The following CSMD1 variants were observed in gnomAD, a reference collection of about 807,000 sequenced individuals.
The protein encoded by CSMD1 is CUB and sushi domain-containing protein 1.
In CSMD1, 213 loss-of-function variants were observed where a neutral mutation model predicts 417.5. That is an observed-to-expected ratio of 0.51 (90% CI 0.46 to 0.57). The LOEUF is 0.57. Ranked by LOEUF, CSMD1 falls within the 20% of genes least tolerant of loss-of-function variation. The pLI is 0.00. For synonymous variants in CSMD1, 2,862 were observed against 1,736.8 expected (o/e 1.65, Z -16.11); for missense variants, 6,923 against 4,529.7 (o/e 1.53, Z -15.17).
intron 7 of CSMD1, among the ~76,000 whole-genome samples, chr8:3,658,581 G>T (rs1046816578): frequency 6.6e-6 from 1 of 151,652 alleles, no homozygotes; most frequent in Admixed American, 6.6e-5. Context: ...TCAGGAGTTT[G>T]AGACCAGCTT....
chr8:4,944,678 C>T (rs1022095493), intron 1 of CSMD1, among the ~76,000 whole-genome samples: 7 of 152,080 alleles, frequency 4.6e-5, no homozygotes, highest in African/African-American at 7.2e-5. Flanking sequence ...TAGAGGAATG[C>T]AAATATCATC....
intron 3 of CSMD1, among the ~76,000 whole-genome samples, chr8:4,232,128 T>C (rs142777052): frequency 5.2e-4 from 79 of 152,318 alleles, no homozygotes; most frequent in African/African-American, 1.9e-3. Context: ...GATTTTCACT[T>C]TACTATTAGT....
intron 5 of CSMD1, among the ~76,000 whole-genome samples, chr8:3,955,734 G>T (rs370244040): frequency 0.024 from 2,440 of 103,084 alleles, 56 homozygotes; most frequent in African/African-American, 0.069. Flanking sequence ...ACTGCCTCAA[G>T]TAAGAAAAAA....
At chr8:3,662,292 G>A (rs1798459608) in intron 7 of CSMD1, among the ~76,000 whole-genome samples, 2 of 152,176 alleles carry the variant, frequency 1.3e-5, no homozygotes, top group Non-Finnish European at 2.9e-5. Context: ...TGTCACTAGT[G>A]AGTAAAATGA....
At chr8:3,132,133 C>T (rs2129027015) in intron 41 of CSMD1, among the ~76,000 whole-genome samples, 1 of 152,312 alleles carries the variant, frequency 6.6e-6, no homozygotes, top group South Asian at 2.1e-4. Context: ...GCTCAGTGTG[C>T]CTGCTCTGCG....
intron 1 of CSMD1, among the ~76,000 whole-genome samples, chr8:4,650,001 C>A (rs1803782479): frequency 6.6e-6 from 1 of 152,136 alleles, no homozygotes; most frequent in Non-Finnish European, 1.5e-5. Flanking sequence ...CTGTCGAGAA[C>A]TTGATTGATA....
intron 37 of CSMD1, among the ~76,000 whole-genome samples, chr8:3,178,465 G>A (rs1017586738): frequency 6.6e-6 from 1 of 151,930 alleles, no homozygotes; most frequent in Non-Finnish European, 1.5e-5. Context: ...CCATCTATAC[G>A]TCACCTTCCT....
At chr8:4,071,115 CTTTT>C in intron 3 of CSMD1, among the ~76,000 whole-genome samples, 1 of 150,908 alleles carries the variant, frequency 6.6e-6, no homozygotes, top group East Asian at 2.0e-4. Flanking sequence ...ACTCTTGAGT[CTTTT>C]TTTTTCTTTT....
chr8:3,490,625 T>C (rs892141269), intron 11 of CSMD1, among the ~76,000 whole-genome samples: 1 of 152,158 alleles, frequency 6.6e-6, no homozygotes, highest in Non-Finnish European at 1.5e-5. Flanking sequence ...ACATATTTTA[T>C]AGCCAGGAAA....
chr8:3,556,321 T>A (rs1306856059), intron 10 of CSMD1, among the ~76,000 whole-genome samples: 2 of 149,958 alleles, frequency 1.3e-5, no homozygotes, highest in African/African-American at 2.5e-5. Context: ...AACATCCTTC[T>A]ACTATGTCCA....
intron 5 of CSMD1, among the ~76,000 whole-genome samples, chr8:3,942,657 A>G (rs1447243340): frequency 6.6e-6 from 1 of 152,116 alleles, no homozygotes; most frequent in Non-Finnish European, 1.5e-5. Context: ...ATCTTTAAAA[A>G]CTGTTTATGA....
chr8:4,119,461 AG>A (rs1802353087), intron 3 of CSMD1, among the ~76,000 whole-genome samples: 1 of 152,160 alleles, frequency 6.6e-6, no homozygotes, highest in South Asian at 2.1e-4. Context: ...TATCTGTGTC[AG>A]CCCGAAAACC....
At chr8:4,091,417 T>C (rs979440571) in intron 3 of CSMD1, among the ~76,000 whole-genome samples, 23 of 152,296 alleles carry the variant, frequency 1.5e-4, no homozygotes, top group Middle Eastern at 6.8e-3. Context: ...CAATTTTCTT[T>C]TACTCAAGTT....
intron 5 of CSMD1, among the ~76,000 whole-genome samples, chr8:3,901,078 T>G (rs1486392944): frequency 6.6e-6 from 1 of 152,182 alleles, no homozygotes; most frequent in Non-Finnish European, 1.5e-5. Flanking sequence ...AAGAAATAAT[T>G]TATAACCTGG....
intron 7 of CSMD1, among the ~76,000 whole-genome samples, chr8:3,649,000 C>CT (rs1247440315): frequency 6.6e-6 from 1 of 152,120 alleles, no homozygotes; most frequent in Non-Finnish European, 1.5e-5. Flanking sequence ...TTGCGTCCAG[C>CT]TTTTAAGGTA....
chr8:3,113,536 A>T (rs1816664892), intron 42 of CSMD1, among the ~76,000 whole-genome samples: 1 of 152,196 alleles, frequency 6.6e-6, no homozygotes, highest in Non-Finnish European at 1.5e-5. Flanking sequence ...GATGGCGGTG[A>T]TGTCTAACTT....
chr8:4,869,852 T>C (rs982341814), intron 1 of CSMD1, among the ~76,000 whole-genome samples: 5 of 152,088 alleles, frequency 3.3e-5, no homozygotes, highest in African/African-American at 4.8e-5. Context: ...TCTCTCTCTC[T>C]TTTTTATATT....
chr8:4,069,305 T>G (rs1258523476), intron 3 of CSMD1, among the ~76,000 whole-genome samples: 1 of 152,222 alleles, frequency 6.6e-6, no homozygotes, highest in Non-Finnish European at 1.5e-5. Flanking sequence ...TTTGACCATT[T>G]TTAAAAACTG....
intron 5 of CSMD1, among the ~76,000 whole-genome samples, chr8:3,805,481 C>G (rs1231568298): frequency 6.6e-6 from 1 of 152,162 alleles, no homozygotes; most frequent in Non-Finnish European, 1.5e-5. Context: ...GACCTCCACT[C>G]TGATTCCTGA....
Sources: allele counts gnomAD v4.1 joint callset (sites outside exome capture counted in the v4.1 genomes callset), GRCh38; gene constraint gnomAD v4.1.1; transcripts MANE v1.5; gene names NCBI Gene and HGNC (gene_info 2026-07-23, HGNC 2026-07-21).